CAAP1: variants seen among roughly 807,000 people sequenced by gnomAD.
CAAP1 encodes the protein conserved anti-apoptotic protein.
In CAAP1, 20 loss-of-function variants were observed where a neutral mutation model predicts 34.0. The ratio of observed to expected loss-of-function variants is 0.59; its 90% CI spans 0.41 to 0.86. CAAP1 has a LOEUF of 0.86. Among genes scored for constraint, CAAP1 ranks in the 40% least tolerant of loss-of-function variants. The pLI, the probability that CAAP1 is intolerant of heterozygous loss-of-function variation, is 0.00. For synonymous variants in CAAP1, 213 were observed against 166.7 expected (o/e 1.28, Z -2.14); for missense variants, 538 against 450.5 (o/e 1.19, Z -1.76).
intron 3 of CAAP1, among the ~76,000 whole-genome samples, chr9:26,885,347 T>G (rs1023779568): frequency 6.6e-6 from 1 of 152,136 alleles, no homozygotes. Flanking sequence ...AGTGCTGGGA[T>G]TACAGGCGTG....
rs766394265 is a variant in CAAP1, at chr9:26,887,346, T to C, written c.471A>G (p.Lys157=). Residue 157 remains lysine, a synonymous_variant, in exon 2 of 6, where the codon AAA becomes AAG. Coordinates refer to ENST00000333916, the MANE Select transcript of CAAP1 (RefSeq NM_024828.4). ...LQQCFCIIGE[K]KLQKMLPDVL... ...CATCAGGAAGCATCTTCTGTAACTT[T>C]TTCTCTCCTATAATACAGAAGCACT... 2.5e-6 allele frequency: 4 copies of C among 1,606,768 alleles called. No homozygotes were observed. The highest frequency in any genetic ancestry group is 4.5e-5 in the East Asian group (2 of 44,838).
At chr9:26,882,672 C>T (rs12337566) in intron 4 of CAAP1, among the ~76,000 whole-genome samples, 6,497 of 152,176 alleles carry the variant, frequency 0.043, 474 homozygotes, top group African/African-American at 0.15. Context: ...GCCACCGTCC[C>T]CCAGACCCCA....
Position 26,892,725 on chromosome 9 carries a change from G to C in CAAP1, c.-10C>G. The C allele has an allele frequency of 4.4e-6, 7 of 1,573,960 alleles. No individual in the cohort carries two copies. Among genetic ancestry groups the C allele is most frequent in the Non-Finnish European group, 6.0e-6 (7 of 1,164,310 alleles). Reference sequence around the variant, plus strand: ...ACTTTTTCCCCGTCATGATCCCTCTGCTGCAACCATCGGAGGAAAGTCCGC... The same window carrying C: ...ACTTTTTCCCCGTCATGATCCCTCTCCTGCAACCATCGGAGGAAAGTCCGC... On this transcript the variant is annotated 5_prime_UTR_variant, in exon 1 of 6. Coordinates refer to ENST00000333916, the MANE Select transcript of CAAP1 (RefSeq NM_024828.4).
At chr9:26,877,175 T>C (rs1264273246) in intron 4 of CAAP1, among the ~76,000 whole-genome samples, 1 of 152,156 alleles carries the variant, frequency 6.6e-6, no homozygotes, top group Non-Finnish European at 1.5e-5. Flanking sequence ...AAATATTGTA[T>C]AAAATTACCT....
chr9:26,884,822 T>A lies in CAAP1; in HGVS notation c.653A>T (p.Asp218Val). ...TTTTTAAACTTACTGACTGACTAAA[T>A]CAGATCCCATCTTAGAACCATCATC... Reference protein sequence around the residue: ...EADDGSKMGSDLVSQQDICID... With the variant: ...EADDGSKMGSVLVSQQDICID... The change falls in exon 4 of 6, where the codon GAT becomes GTT. Residue 218 changes from aspartate (D) to valine (V), a missense_variant. Physicochemically the swap from Asp to Val is radical, Grantham distance 152. This residue lies in a region of CAAP1 where 514 missense variants were observed against 408.4 expected (regional missense o/e 1.26). Coordinates refer to ENST00000333916, the MANE Select transcript of CAAP1 (RefSeq NM_024828.4). 6.2e-7 allele frequency: 1 copy of A among 1,607,920 alleles called. No individual in the cohort carries two copies.
At chr9:26,857,255 A>G (rs1288899938) in intron 5 of CAAP1, among the ~76,000 whole-genome samples, 1 of 152,232 alleles carries the variant, frequency 6.6e-6, no homozygotes, top group African/African-American at 2.4e-5. Flanking sequence ...ACACCTACAC[A>G]TGTGCTACAG....
intron 5 of CAAP1, among the ~76,000 whole-genome samples, chr9:26,850,338 G>A (rs1488202819): frequency 6.6e-6 from 1 of 152,102 alleles, no homozygotes; most frequent in Non-Finnish European, 1.5e-5. Flanking sequence ...GGGGGTTGGA[G>A]AGACAGAACA....
intron 4 of CAAP1, among the ~76,000 whole-genome samples, chr9:26,872,219 C>T (rs1165044063): frequency 1.3e-5 from 2 of 152,124 alleles, no homozygotes; most frequent in East Asian, 3.9e-4. Context: ...AAACCTCCTA[C>T]ATTTATGCAC....
chr9:26,861,613 A>C (rs1823003768), intron 4 of CAAP1, among the ~76,000 whole-genome samples: 1 of 152,218 alleles, frequency 6.6e-6, no homozygotes, highest in African/African-American at 2.4e-5. Context: ...ATGTAATCAA[A>C]GTAAAAGGAT....
intron 5 of CAAP1, among the ~76,000 whole-genome samples, chr9:26,852,467 CA>C (rs576123061): frequency 2.7e-5 from 4 of 146,460 alleles, no homozygotes; most frequent in Non-Finnish European, 1.5e-5. Context: ...AAACCAACAA[CA>C]AAAAAAAAGG....
chr9:26,891,762 G>A (rs1823907774), intron 1 of CAAP1, among the ~76,000 whole-genome samples: 1 of 152,198 alleles, frequency 6.6e-6, no homozygotes, highest in Admixed American at 6.5e-5. Context: ...GATTAAAAGA[G>A]GCCGCGTATC....
intron 1 of CAAP1, among the ~76,000 whole-genome samples, chr9:26,891,154 A>C (rs1368903133): frequency 6.6e-6 from 1 of 152,204 alleles, no homozygotes; most frequent in East Asian, 1.9e-4. Flanking sequence ...CACCTGATAA[A>C]ATCTCTACAT....
intron 1 of CAAP1, among the ~76,000 whole-genome samples, chr9:26,891,095 G>A (rs1823893811): frequency 6.6e-6 from 1 of 152,174 alleles, no homozygotes; most frequent in African/African-American, 2.4e-5. Context: ...TACATTATCT[G>A]ACTAAAGGAG....
At chr9:26,863,626 C>T (rs1334036830) in intron 4 of CAAP1, among the ~76,000 whole-genome samples, 1 of 151,774 alleles carries the variant, frequency 6.6e-6, no homozygotes, top group African/African-American at 2.4e-5. Context: ...ATTTAAATGA[C>T]ATTCAAATAT....
At chr9:26,847,998 A>G (rs1228657362) in intron 5 of CAAP1, among the ~76,000 whole-genome samples, 1 of 152,042 alleles carries the variant, frequency 6.6e-6, no homozygotes, top group Non-Finnish European at 1.5e-5. Flanking sequence ...CATGTTCTAG[A>G]GTTTGTCTTG....
At chr9:26,890,378 G>GGA (rs1823871548) in intron 1 of CAAP1, among the ~76,000 whole-genome samples, 1 of 136,254 alleles carries the variant, frequency 7.3e-6, no homozygotes, top group Admixed American at 7.2e-5. Context: ...CTCAAAAAAA[G>GGA]AAAAAAAAAA....
chr9:26,856,131 G>C (rs183296239), intron 5 of CAAP1, among the ~76,000 whole-genome samples: 68 of 149,870 alleles, frequency 4.5e-4, no homozygotes, highest in African/African-American at 1.2e-3. Context: ...TTTTAAAAGG[G>C]GGGGGGTAGA....
chr9:26,889,746 T>C (rs895035402), intron 1 of CAAP1, among the ~76,000 whole-genome samples: 7 of 151,600 alleles, frequency 4.6e-5, no homozygotes, highest in South Asian at 2.1e-4. Flanking sequence ...CAGAGGCCTG[T>C]TGCCCCAGCT....
rs1021943153 is a variant in CAAP1, at chr9:26,870,765, C to T, written c.666-9626G>A. On this transcript the variant is annotated intron_variant, in intron 4 of 5. Transcript: ENST00000333916. ...CCAAGTAGACGGGAATATAGGCATG[C>T]GCCATCACACCCAGCTAATTTTTCT... Among the ~76,000 whole-genome samples the T allele has an allele frequency of 9.2e-5, 14 of 151,768 alleles. No individual in the cohort carries two copies. In the South Asian group the frequency reaches 1.5e-3, roughly 16 times the overall value.
Sources: gnomAD v4.1 joint callset for allele counts (sites outside exome capture counted in the v4.1 genomes callset) on GRCh38, gnomAD v4.1.1 for gene constraint, gnomAD v4.1.1 regional missense constraint, MANE v1.5 for transcripts, NCBI Gene and HGNC (gene_info 2026-07-23, HGNC 2026-07-21) for gene names.